OR3A2: variants seen among roughly 807,000 people sequenced by gnomAD.
The protein encoded by OR3A2 is olfactory receptor family 3 subfamily A member 2.
For missense variants in OR3A2, 318 were observed against 392.8 expected, an observed-to-expected ratio of 0.81 and a Z score of 1.61; for synonymous variants, 126 against 159.3, an observed-to-expected ratio of 0.79 and a Z score of 1.57.
chr17:3,361,316 T>TGA (rs1179068571), intron 2 of OR3A2, among the ~76,000 whole-genome samples: 3 of 151,622 alleles, frequency 2.0e-5, no homozygotes, highest in African/African-American at 7.3e-5. Context: ...GATTTTGGGC[T>TGA]GACATGATGG....
At chr17:3,291,860 G>A in intron 3 of OR3A2, 1 of 1,614,156 alleles carries the variant, frequency 6.2e-7, no homozygotes, top group Non-Finnish European at 8.5e-7. Context: ...CACATGTGGA[G>A]AAGGCTTTCT....
intron 3 of OR3A2, chr17:3,292,076 G>A (rs772860332): frequency 1.2e-6 from 2 of 1,614,232 alleles, no homozygotes; most frequent in African/African-American, 1.3e-5. Context: ...CACAGAAGTT[G>A]AGCGTGGACA....
chr17:3,292,175 G>C (rs138307520), intron 3 of OR3A2: 7 of 1,614,192 alleles, frequency 4.3e-6, no homozygotes, highest in Admixed American at 1.7e-5. Context: ...TCATGCGGGT[G>C]CTGTAGGTGA....
At chr17:3,334,231 C>T (rs1032511839) in intron 3 of OR3A2, among the ~76,000 whole-genome samples, 1 of 151,942 alleles carries the variant, frequency 6.6e-6, no homozygotes, top group African/African-American at 2.4e-5. Context: ...GAAATACCAT[C>T]TTTACTATTT....
intron 3 of OR3A2, among the ~76,000 whole-genome samples, chr17:3,322,184 T>A (rs990585644): frequency 6.6e-6 from 1 of 152,200 alleles, no homozygotes; most frequent in Non-Finnish European, 1.5e-5. Context: ...TATTCTCTGA[T>A]GGTAGTTTGT....
At chr17:3,310,451 C>G in intron 3 of OR3A2, 1 of 535,646 alleles carries the variant, frequency 1.9e-6, no homozygotes, top group South Asian at 1.4e-5. Context: ...GCACCCTCAG[C>G]ATCCTGGCGG....
intron 3 of OR3A2, among the ~76,000 whole-genome samples, chr17:3,312,236 T>G (rs1359435969): frequency 6.6e-6 from 1 of 152,206 alleles, no homozygotes; most frequent in Non-Finnish European, 1.5e-5. Context: ...ATTGTTCAAT[T>G]GAAACATATA....
chr17:3,349,848 C>T (rs1386752349), intron 2 of OR3A2, among the ~76,000 whole-genome samples: 1 of 152,132 alleles, frequency 6.6e-6, no homozygotes, highest in Non-Finnish European at 1.5e-5. Flanking sequence ...GACCACAGTG[C>T]AATCAAACTA....
At chr17:3,378,008 C>T (rs1230621314) in intron 2 of OR3A2, among the ~76,000 whole-genome samples, 2 of 152,186 alleles carry the variant, frequency 1.3e-5, no homozygotes, top group African/African-American at 2.4e-5. Flanking sequence ...GAAATGAAAG[C>T]ACCATCTGAT....
chr17:3,344,882 T>A (rs959199429), intron 2 of OR3A2, among the ~76,000 whole-genome samples: 1 of 152,110 alleles, frequency 6.6e-6, no homozygotes, highest in African/African-American at 2.4e-5. Context: ...CCCAAAAGCC[T>A]GTAATGGGAA....
chr17:3,357,387 C>A (rs1470314933), intron 2 of OR3A2, among the ~76,000 whole-genome samples: 1 of 151,630 alleles, frequency 6.6e-6, no homozygotes. Flanking sequence ...TGCAGACCAA[C>A]CCTCCCCATG....
chr17:3,283,529 T>C (rs9907894), intron 1 of OR3A2, among the ~76,000 whole-genome samples: 27,481 of 152,086 alleles, frequency 0.18, 3,087 homozygotes, highest in African/African-American at 0.3. Context: ...CCGGCCGGTA[T>C]CCAATATTTC....
At chr17:3,354,071 T>C (rs1489082675) in intron 2 of OR3A2, among the ~76,000 whole-genome samples, 3 of 151,852 alleles carry the variant, frequency 2.0e-5, no homozygotes. Flanking sequence ...TATTGTTAAA[T>C]TTGATTGGCT....
intron 3 of OR3A2, among the ~76,000 whole-genome samples, chr17:3,326,227 T>G (rs751737551): frequency 6.6e-6 from 1 of 152,136 alleles, no homozygotes; most frequent in African/African-American, 2.4e-5. Context: ...TCTTTGCTAT[T>G]ATGAATAGTG....
At chr17:3,329,565 TATC>T (rs2049210605) in intron 3 of OR3A2, among the ~76,000 whole-genome samples, 1 of 121,570 alleles carries the variant, frequency 8.2e-6, no homozygotes, top group South Asian at 2.8e-4. Context: ...ATATCCCCTT[TATC>T]ATTTTTTATT....
intron 3 of OR3A2, chr17:3,291,264 T>C: frequency 5.3e-6 from 1 of 187,670 alleles, no homozygotes; most frequent in Non-Finnish European, 1.1e-5. Flanking sequence ...GGGAAAAATA[T>C]GACTTCTGGC....
At chr17:3,309,206 G>A (rs1402007996) in intron 3 of OR3A2, among the ~76,000 whole-genome samples, 5 of 152,102 alleles carry the variant, frequency 3.3e-5, no homozygotes, top group African/African-American at 7.2e-5. Flanking sequence ...ACGCCCGGCC[G>A]AGTATTTTAT....
rs555185345 is a variant in OR3A2, at chr17:3,305,274, G to A, written c.-84-26121C>T. On this transcript the variant is annotated intron_variant, in intron 3 of 4. Transcript: ENST00000573491. Reference sequence around the variant, plus strand: ...GTTTTTTTCCTTCACAGTTGACAGAGTTAAAATACCTCTGTTAACCACCAA... The same window carrying A: ...GTTTTTTTCCTTCACAGTTGACAGAATTAAAATACCTCTGTTAACCACCAA... Among the ~76,000 whole-genome samples the A allele has an allele frequency of 1.5e-4, 23 of 151,412 alleles. No individual in the cohort carries two copies. In the South Asian group the frequency reaches 4.8e-3, roughly 32 times the overall value.
intron 2 of OR3A2, among the ~76,000 whole-genome samples, chr17:3,336,579 G>T (rs2049275980): frequency 6.6e-6 from 1 of 152,168 alleles, no homozygotes; most frequent in South Asian, 2.1e-4. Flanking sequence ...CCAACCAAGA[G>T]AGATGTGCAA....
Sources: allele counts gnomAD v4.1 joint callset (sites outside exome capture counted in the v4.1 genomes callset), GRCh38; gene constraint gnomAD v4.1.1; transcripts MANE v1.5; gene names NCBI Gene and HGNC (gene_info 2026-07-23, HGNC 2026-07-21).